Variants in GULP1 observed in about 807,000 individuals in gnomAD.
GULP1 encodes the protein PTB domain-containing engulfment adapter protein 1.
A neutral mutation model predicts 40.9 loss-of-function variants in GULP1; 19 were observed. The ratio of observed to expected loss-of-function variants is 0.46; its 90% confidence interval spans 0.32 to 0.68. GULP1 has a LOEUF of 0.68. GULP1 is among the 30% of genes least tolerant of loss of function. GULP1 has a pLI of 0.03. For synonymous variants in GULP1, 119 were observed against 117.6 expected, an observed-to-expected ratio of 1.01 and a Z score of -0.08; for missense variants, 312 against 362.2, an observed-to-expected ratio of 0.86 and a Z score of 1.12.
chr2:188,586,831 G>A (rs756803936), intron 10 of GULP1, among the ~76,000 whole-genome samples: 3 of 151,890 alleles, frequency 2.0e-5, no homozygotes, highest in Non-Finnish European at 2.9e-5. Flanking sequence ...GATTTTAGAG[G>A]ATATGGCAGA....
rs150081329 is a variant in GULP1 at position 188,415,058 on chromosome 2, A to G, written c.-45+31169A>G. Among the ~76,000 whole-genome samples the G allele has an allele frequency of 2.8e-3, 425 of 152,314 alleles. 1 individual carries two copies. The highest frequency in any genetic ancestry group is 0.024 in the Middle Eastern group (7 of 294). ...GCATTGTTTAAAGATGATTTATAGC[A>G]GTATTTAAGAACTTAAGCAGCACTG... On this transcript the variant is annotated intron_variant, in intron 2 of 11. Transcript: ENST00000409830.
At chr2:188,422,269 C>T (rs2055542085) in intron 2 of GULP1, among the ~76,000 whole-genome samples, 1 of 151,246 alleles carries the variant, frequency 6.6e-6, no homozygotes, top group African/African-American at 2.4e-5. Context: ...GATTAATATA[C>T]CCAGGAATTA....
At chr2:188,320,217 A>G (rs2039765788) in intron 1 of GULP1, among the ~76,000 whole-genome samples, 1 of 152,168 alleles carries the variant, frequency 6.6e-6, no homozygotes. Context: ...ACCAAAGTTT[A>G]TTAGCATCTC....
intron 6 of GULP1, among the ~76,000 whole-genome samples, chr2:188,532,268 C>T (rs1345014421): frequency 2.6e-5 from 4 of 152,046 alleles, no homozygotes; most frequent in Non-Finnish European, 4.4e-5. Context: ...TTGATAATCA[C>T]GTTTAAATAT....
chr2:188,385,305 C>T (rs1223636810), intron 2 of GULP1, among the ~76,000 whole-genome samples: 1 of 152,150 alleles, frequency 6.6e-6, no homozygotes, highest in Non-Finnish European at 1.5e-5. Context: ...GGGCTTGCAC[C>T]CTCTAAAGCA....
chr2:188,365,202 G>T lies in GULP1; in HGVS notation c.-171-18561G>T, dbSNP rs12614987. Among the ~76,000 whole-genome samples the T allele has an allele frequency of 7.9e-4, 120 of 152,274 alleles. No homozygotes were observed. In the East Asian group the frequency reaches 0.022, roughly 28 times the overall value. The stretch of plus-strand genomic sequence containing the variant: ...TGGAAATCTCTGCCTTGCCAGCTGT[G>T]TGCTGGTATGGCAGTACACATGGTC... On this transcript the variant is annotated intron_variant, in intron 1 of 11. Coordinates refer to ENST00000409830, the MANE Select transcript of GULP1 (RefSeq NM_016315.4).
At chr2:188,421,052 A>T (rs946027470) in intron 2 of GULP1, among the ~76,000 whole-genome samples, 8 of 152,264 alleles carry the variant, frequency 5.3e-5, no homozygotes, top group Non-Finnish European at 1.0e-4. Context: ...TGGAAGTCCT[A>T]GTCAGAGCAC....
At chr2:188,417,921 G>A (rs2054799701) in intron 2 of GULP1, among the ~76,000 whole-genome samples, 1 of 152,048 alleles carries the variant, frequency 6.6e-6, no homozygotes, top group Non-Finnish European at 1.5e-5. Flanking sequence ...CTCTCAAGTA[G>A]CTGGGACTTA....
chr2:188,566,419 A>G (rs1441462624), intron 7 of GULP1, among the ~76,000 whole-genome samples: 3 of 152,086 alleles, frequency 2.0e-5, no homozygotes, highest in African/African-American at 7.2e-5. Context: ...AGTTATTAAT[A>G]TAAATAAATA....
intron 1 of GULP1, among the ~76,000 whole-genome samples, chr2:188,375,790 A>C (rs2048214904): frequency 6.6e-6 from 1 of 152,174 alleles, no homozygotes; most frequent in African/African-American, 2.4e-5. Flanking sequence ...AGGGGCTTAA[A>C]ATATGGGGAA....
chr2:188,463,158 T>G (rs1394831370), intron 2 of GULP1, among the ~76,000 whole-genome samples: 1 of 152,214 alleles, frequency 6.6e-6, no homozygotes, highest in Admixed American at 6.5e-5. Context: ...ATACTTTTCT[T>G]TCTGATTTAA....
intron 2 of GULP1, among the ~76,000 whole-genome samples, chr2:188,413,081 G>A (rs991555420): frequency 3.9e-5 from 6 of 152,142 alleles, no homozygotes; most frequent in Admixed American, 6.5e-5. Context: ...AGGCTCTTCC[G>A]ATTGAAAATT....
At chr2:188,525,816 C>G (rs1056965669) in intron 5 of GULP1, among the ~76,000 whole-genome samples, 1 of 152,188 alleles carries the variant, frequency 6.6e-6, no homozygotes, top group African/African-American at 2.4e-5. Flanking sequence ...TTTGAACTCA[C>G]TCTTTCTGTG....
intron 2 of GULP1, among the ~76,000 whole-genome samples, chr2:188,426,607 A>G (rs898481314): frequency 1.1e-4 from 17 of 152,306 alleles, no homozygotes; most frequent in African/African-American, 4.1e-4. Context: ...TACCAGAGTC[A>G]GGCTGGAATT....
intron 2 of GULP1, among the ~76,000 whole-genome samples, chr2:188,443,837 C>CA (rs927695430): frequency 1.1e-4 from 16 of 150,130 alleles, no homozygotes; most frequent in African/African-American, 2.4e-4. Flanking sequence ...CAGGTGCCTG[C>CA]AAAAAAAATG....
chr2:188,432,860 T>C (rs2057022840), intron 2 of GULP1, among the ~76,000 whole-genome samples: 1 of 152,116 alleles, frequency 6.6e-6, no homozygotes, highest in Non-Finnish European at 1.5e-5. Context: ...ACAAAATACA[T>C]GTCCCTACAC....
intron 1 of GULP1, among the ~76,000 whole-genome samples, chr2:188,348,724 G>T (rs2152272389): frequency 6.6e-6 from 1 of 152,224 alleles, no homozygotes; most frequent in South Asian, 2.1e-4. Context: ...TCATCACCCA[G>T]CTTCTCCAGT....
At chr2:188,360,222 G>A (rs928802381) in intron 1 of GULP1, among the ~76,000 whole-genome samples, 2 of 151,948 alleles carry the variant, frequency 1.3e-5, no homozygotes, top group African/African-American at 4.8e-5. Context: ...TGACTAAAAC[G>A]AATGCATTCT....
chr2:188,300,934 G>A (rs2036020543), intron 1 of GULP1, among the ~76,000 whole-genome samples: 1 of 152,036 alleles, frequency 6.6e-6, no homozygotes, highest in Admixed American at 6.6e-5. Flanking sequence ...GCTTCACTTT[G>A]TGTTTTCTGT....
Sources: gnomAD v4.1 joint callset for allele counts (sites outside exome capture counted in the v4.1 genomes callset) on GRCh38, gnomAD v4.1.1 for gene constraint, MANE v1.5 for transcripts, NCBI Gene and HGNC (gene_info 2026-07-23, HGNC 2026-07-21) for gene names.